BRINP2: variants seen among roughly 807,000 people sequenced by gnomAD.
BRINP2 encodes the protein BMP/retinoic acid-inducible neural-specific protein 2.
A neutral mutation model predicts 69.2 loss-of-function variants in BRINP2; 21 were observed. The observed-to-expected ratio is 0.30, with a 90% CI of 0.22 to 0.44. BRINP2 has a LOEUF of 0.44. BRINP2 is among the 20% of genes least tolerant of loss of function. BRINP2 has a pLI of 1.00. For synonymous variants in BRINP2, 380 were observed against 394.1 expected (o/e 0.96, Z 0.42); for missense variants, 877 against 986.0 (o/e 0.89, Z 1.48).
chr1:177,273,490 C>T lies in BRINP2; in HGVS notation c.672C>T (p.Val224=), dbSNP rs574248032. 2.3e-4 allele frequency: 362 copies of T among 1,607,900 alleles called. 3 individuals carry two copies. The South Asian group carries it at 3.8e-3, about 17-fold the overall frequency. Residue 224 remains valine, a splice_region_variant and synonymous_variant, in exon 5 of 8, where the codon GTC becomes GTT. Transcript: ENST00000361539. ...HIQIATGAIK[V]TETRTGPLGC... ...CTCCCTACTCCTTCCTTCTCTAGGT[C>T]ACCGAGACCAGGACCGGTCCTCTGG...
At chr1:177,248,876 AC>A (rs1156733741) in intron 2 of BRINP2, among the ~76,000 whole-genome samples, 1 of 151,858 alleles carries the variant, frequency 6.6e-6, no homozygotes, top group Non-Finnish European at 1.5e-5. Flanking sequence ...CTCATCGGAG[AC>A]CCTTTTGCTT....
At chr1:177,250,329 G>A (rs1307869408) in intron 2 of BRINP2, among the ~76,000 whole-genome samples, 2 of 151,668 alleles carry the variant, frequency 1.3e-5, no homozygotes, top group Non-Finnish European at 2.9e-5. Flanking sequence ...TTGTTTGTTT[G>A]TTTGTTTGTT....
intron 2 of BRINP2, among the ~76,000 whole-genome samples, chr1:177,255,142 C>T (rs1650714536): frequency 1.3e-5 from 2 of 152,088 alleles, no homozygotes; most frequent in South Asian, 4.2e-4. Context: ...GATGAAAATC[C>T]ACAATTATGA....
intron 3 of BRINP2, chr1:177,256,916 C>T: frequency 7.7e-7 from 1 of 1,303,760 alleles, no homozygotes; most frequent in Non-Finnish European, 9.8e-7. Flanking sequence ...AGACAGAGTT[C>T]AATAGAAGAT....
In BRINP2 at chr1:177,230,060, C is replaced by G. The variant is rs768728535; in HGVS notation, c.184C>G (p.Arg62Gly). The G allele has an allele frequency of 3.1e-6, 5 of 1,613,862 alleles. No individual in the cohort carries two copies. The change falls in exon 2 of 8, where the codon CGG becomes GGG. Residue 62 changes from arginine (R) to glycine (G), a missense_variant. Physicochemically the swap from Arg to Gly is moderately radical, Grantham distance 125. This residue lies in a region of BRINP2 where 566 missense variants were observed against 625.2 expected (regional missense o/e 0.91). Coordinates refer to ENST00000361539, the MANE Select transcript of BRINP2 (RefSeq NM_021165.4). ...TCCCCTGGACTGGCTGCTCACAGAC[C>G]GGGGCCCCTTCCACCGCGCTCAGGA... ...QHPLDWLLTD[R>G]GPFHRAQEYA...
chr1:177,224,999 C>T (rs141946980), intron 1 of BRINP2, among the ~76,000 whole-genome samples: 1 of 152,332 alleles, frequency 6.6e-6, no homozygotes, highest in Non-Finnish European at 1.5e-5. Flanking sequence ...AGATCTGGTA[C>T]ACCAGCAGCT....
intron 3 of BRINP2, chr1:177,256,829 C>A: frequency 8.6e-7 from 1 of 1,158,604 alleles, no homozygotes; most frequent in Non-Finnish European, 1.1e-6. Flanking sequence ...CCTGAGGGAG[C>A]AGAAAAAGCC....
chr1:177,171,517 GA>G lies in BRINP2; in HGVS notation c.-288del. 6.4e-6 allele frequency: 1 copy of G among 156,342 alleles called. No homozygotes were observed. Among genetic ancestry groups the G allele is most frequent in the Non-Finnish European group, 1.4e-5 (1 of 70,622 alleles). 9.7% of individuals were successfully genotyped at this position (156,342 alleles called of 1,614,324 possible). A position where few individuals can be genotyped will look rare whatever the true frequency, so the allele number is the denominator to read the frequency against. On this transcript the variant is annotated 5_prime_UTR_variant, in exon 1 of 8. Transcript: ENST00000361539. The stretch of plus-strand genomic sequence containing the variant: ...AGTAAAGCGGGGAGCAAGAGAATTT[GA>G]AAAGAGACATCCGCTCCCTCTCACA...
chr1:177,267,528 GTCCTCGGT>G (rs1651167256), intron 4 of BRINP2, among the ~76,000 whole-genome samples: 1 of 152,134 alleles, frequency 6.6e-6, no homozygotes, highest in African/African-American at 2.4e-5. Context: ...TCATCGCCAT[GTCCTCGGT>G]TCCTGATATA....
Position 177,230,008 on chromosome 1 carries a change from G to A in BRINP2, c.132G>A (p.Glu44=), listed in dbSNP as rs777303846. The A allele has an allele frequency of 1.3e-5, 21 of 1,613,494 alleles. No homozygotes were observed. Among genetic ancestry groups the A allele is most frequent in the Non-Finnish European group, 1.8e-5 (21 of 1,179,964 alleles). ...VSATAAAVVP[E]QHASVAGQHP... is the part of the protein sequence containing the mutation. ...CCACGGCGGCTGCTGTGGTCCCCGA[G>A]CAGCATGCCTCCGTAGCTGGCCAGC... Residue 44 remains glutamate, a synonymous_variant, in exon 2 of 8, where the codon GAG becomes GAA. Transcript: ENST00000361539.
Position 177,280,576 on chromosome 1 carries a change from C to T in BRINP2, c.1400C>T (p.Ala467Val). ...PCALGEGPAC[A>V]HCAPDNSTRC... ...GCCTTGGGCGAAGGGCCCGCGTGTG[C>T]CCACTGTGCTCCAGACAATAGCACA... Residue 467 changes from alanine (A) to valine (V), a missense_variant, in exon 8 of 8, where the codon GCC (alanine) becomes GTC (valine). Ala to Val is a moderately conservative substitution (Grantham distance 64). This residue lies in a region of BRINP2 where 566 missense variants were observed against 625.2 expected (regional missense o/e 0.91). Coordinates refer to ENST00000361539, the MANE Select transcript of BRINP2 (RefSeq NM_021165.4). 2.5e-6 allele frequency: 4 copies of T among 1,614,128 alleles called. No individual in the cohort carries two copies. The highest frequency in any genetic ancestry group is 3.4e-6 in the Non-Finnish European group (4 of 1,179,994).
intron 1 of BRINP2, among the ~76,000 whole-genome samples, chr1:177,189,223 G>GT (rs1648517216): frequency 6.6e-6 from 1 of 151,802 alleles, no homozygotes; most frequent in Non-Finnish European, 1.5e-5. Flanking sequence ...ACCAAAAACT[G>GT]TAAGTAAGGA....
chr1:177,251,283 C>T (rs2102342122), intron 2 of BRINP2, among the ~76,000 whole-genome samples: 1 of 152,146 alleles, frequency 6.6e-6, no homozygotes, highest in African/African-American at 2.4e-5. Context: ...AAATGTTATG[C>T]TATGTTTTGA....
intron 2 of BRINP2, among the ~76,000 whole-genome samples, chr1:177,247,877 C>A (rs1446897341): frequency 1.3e-5 from 2 of 152,188 alleles, no homozygotes; most frequent in Non-Finnish European, 2.9e-5. Flanking sequence ...GAGTCTAATG[C>A]AGGAGGAACA....
chr1:177,192,781 A>G (rs1648629457), intron 1 of BRINP2, among the ~76,000 whole-genome samples: 1 of 152,256 alleles, frequency 6.6e-6, no homozygotes, highest in African/African-American at 2.4e-5. Flanking sequence ...TAATGAACAA[A>G]GGCAAAATAG....
intron 2 of BRINP2, among the ~76,000 whole-genome samples, chr1:177,251,672 C>T (rs1330273444): frequency 6.6e-6 from 1 of 152,144 alleles, no homozygotes; most frequent in African/African-American, 2.4e-5. Flanking sequence ...TTTAGGTAAA[C>T]CACTTACCCT....
chr1:177,268,400 G>A (rs1431635840), intron 4 of BRINP2, among the ~76,000 whole-genome samples: 1 of 152,172 alleles, frequency 6.6e-6, no homozygotes, highest in Non-Finnish European at 1.5e-5. Flanking sequence ...GAGAGAGGTG[G>A]ATGGAGTTGG....
chr1:177,234,257 T>C (rs1649949310), intron 2 of BRINP2, among the ~76,000 whole-genome samples: 1 of 152,182 alleles, frequency 6.6e-6, no homozygotes, highest in Non-Finnish European at 1.5e-5. Context: ...ATGCACTTGT[T>C]CAAGGTCAGA....
chr1:177,175,497 C>T (rs1364209249), intron 1 of BRINP2, among the ~76,000 whole-genome samples: 1 of 152,164 alleles, frequency 6.6e-6, no homozygotes, highest in East Asian at 1.9e-4. Flanking sequence ...AAGCGCAGGG[C>T]CTGTGAGAGG....
Sources: allele counts gnomAD v4.1 joint callset (sites outside exome capture counted in the v4.1 genomes callset), GRCh38; gene constraint gnomAD v4.1.1; regional missense constraint gnomAD v4.1.1; transcripts MANE v1.5; gene names NCBI Gene and HGNC (gene_info 2026-07-23, HGNC 2026-07-21).